SLC24A3: variants seen among roughly 807,000 people sequenced by gnomAD.
SLC24A3 encodes the protein sodium/potassium/calcium exchanger 3.
Under a neutral mutation model 75.8 loss-of-function variants are expected in SLC24A3, and 28 were observed. The ratio of observed to expected loss-of-function variants is 0.37; its 90% CI spans 0.27 to 0.51. The LOEUF is 0.51. Ranked by LOEUF, SLC24A3 falls within the 20% of genes least tolerant of loss-of-function variation. The pLI is 0.94. For missense variants in SLC24A3, 663 were observed against 847.8 expected (o/e 0.78, Z 2.71); for synonymous variants, 372 against 334.1 (o/e 1.11, Z -1.24).
chr20:19,599,930 G>A (rs142154776), intron 6 of SLC24A3, among the ~76,000 whole-genome samples: 18 of 152,254 alleles, frequency 1.2e-4, no homozygotes, highest in African/African-American at 4.1e-4. Context: ...TCTATGACCC[G>A]CGGAGTCAAA....
intron 3 of SLC24A3, among the ~76,000 whole-genome samples, chr20:19,565,782 G>A (rs188797236): frequency 3.9e-5 from 6 of 152,278 alleles, no homozygotes; most frequent in Non-Finnish European, 7.3e-5. Flanking sequence ...TGCATCTTCA[G>A]TGCCTGGAGT....
intron 2 of SLC24A3, among the ~76,000 whole-genome samples, chr20:19,420,436 G>C (rs1986898563): frequency 7.2e-6 from 1 of 138,058 alleles, no homozygotes; most frequent in Admixed American, 7.5e-5. Flanking sequence ...CTAGTTTCCA[G>C]TCCCACCAAC....
At chr20:19,644,148 C>T (rs549827378) in intron 6 of SLC24A3, among the ~76,000 whole-genome samples, 2 of 152,294 alleles carry the variant, frequency 1.3e-5, no homozygotes, top group East Asian at 3.9e-4. Flanking sequence ...CTTCAGCCCA[C>T]GCACAGAGTC....
intron 1 of SLC24A3, among the ~76,000 whole-genome samples, chr20:19,276,899 A>T (rs114953414): frequency 0.024 from 3,319 of 139,748 alleles, 136 homozygotes; most frequent in African/African-American, 0.086. Context: ...GTCTCTAATT[A>T]AAAAAAAAAA....
chr20:19,480,097 A>G (rs746647304), intron 2 of SLC24A3, among the ~76,000 whole-genome samples: 5 of 152,196 alleles, frequency 3.3e-5, no homozygotes, highest in Non-Finnish European at 5.9e-5. Flanking sequence ...GCACAAATAC[A>G]TTAGATTCAT....
At chr20:19,538,742 C>T (rs1487976372) in intron 3 of SLC24A3, among the ~76,000 whole-genome samples, 1 of 152,166 alleles carries the variant, frequency 6.6e-6, no homozygotes, top group Admixed American at 6.6e-5. Flanking sequence ...CATATGCATG[C>T]TCCCTGATCC....
intron 3 of SLC24A3, among the ~76,000 whole-genome samples, chr20:19,553,162 C>T (rs990253476): frequency 1.4e-5 from 2 of 145,352 alleles, no homozygotes; most frequent in Non-Finnish European, 3.0e-5. Flanking sequence ...TTACAGAACA[C>T]AGGGCAGCCT....
At chr20:19,543,626 C>T (rs2030539024) in intron 3 of SLC24A3, among the ~76,000 whole-genome samples, 1 of 152,102 alleles carries the variant, frequency 6.6e-6, no homozygotes, top group Admixed American at 6.5e-5. Flanking sequence ...TCCACTCCCA[C>T]CGGGTGGGAG....
chr20:19,614,975 C>A (rs1251019990), intron 6 of SLC24A3, among the ~76,000 whole-genome samples: 3 of 152,172 alleles, frequency 2.0e-5, no homozygotes, highest in Non-Finnish European at 4.4e-5. Flanking sequence ...TCATCCAAAC[C>A]ATAATCTTTT....
chr20:19,663,597 C>G (rs1889735327), intron 7 of SLC24A3, among the ~76,000 whole-genome samples: 1 of 150,764 alleles, frequency 6.6e-6, no homozygotes, highest in African/African-American at 2.4e-5. Context: ...CGGATCTCCT[C>G]CATTAGTTAG....
intron 2 of SLC24A3, among the ~76,000 whole-genome samples, chr20:19,336,396 T>C (rs1388099460): frequency 1.3e-5 from 2 of 152,150 alleles, no homozygotes; most frequent in African/African-American, 4.8e-5. Flanking sequence ...GCATTTTTTA[T>C]TTATTTATTT....
rs1488228653 is a variant in SLC24A3, at chr20:19,632,578, C to T, written c.613-21484C>T. 2.0e-5 allele frequency among the ~76,000 whole-genome samples: 3 copies of T among 152,200 alleles called. No individual in the cohort carries two copies. The South Asian group carries it at 6.2e-4, about 32-fold the overall frequency. Reference sequence around the variant, plus strand: ...CAGGCTAACCTCTCTATCCCAACATCCTTACTTACTTCTGCAAAGTCTCAC... The same window carrying T: ...CAGGCTAACCTCTCTATCCCAACATTCTTACTTACTTCTGCAAAGTCTCAC... On this transcript the variant is annotated intron_variant, in intron 6 of 16. Coordinates refer to ENST00000328041, the MANE Select transcript of SLC24A3 (RefSeq NM_020689.4).
chr20:19,326,285 G>C (rs1190298528), intron 2 of SLC24A3, among the ~76,000 whole-genome samples: 1 of 152,082 alleles, frequency 6.6e-6, no homozygotes, highest in Non-Finnish European at 1.5e-5. Flanking sequence ...ACAGTGAGGG[G>C]CCATCATCAT....
chr20:19,467,306 AAAG>A (rs1987783203), intron 2 of SLC24A3, among the ~76,000 whole-genome samples: 1 of 152,228 alleles, frequency 6.6e-6, no homozygotes, highest in Non-Finnish European at 1.5e-5. Flanking sequence ...CGCAGAAAGA[AAAG>A]AAGCAAGAAA....
chr20:19,221,363 A>G (rs1474363647), intron 1 of SLC24A3, among the ~76,000 whole-genome samples: 2 of 152,046 alleles, frequency 1.3e-5, no homozygotes, highest in Non-Finnish European at 2.9e-5. Context: ...TCATCTTCCC[A>G]TTGCCCTTCA....
At chr20:19,418,769 G>A (rs918012751) in intron 2 of SLC24A3, among the ~76,000 whole-genome samples, 1 of 152,042 alleles carries the variant, frequency 6.6e-6, no homozygotes, top group Admixed American at 6.5e-5. Flanking sequence ...TCTGGGGCAG[G>A]AAATGCACAA....
chr20:19,507,214 C>T (rs1419684360), intron 2 of SLC24A3, among the ~76,000 whole-genome samples: 1 of 152,120 alleles, frequency 6.6e-6, no homozygotes, highest in African/African-American at 2.4e-5. Flanking sequence ...TGCTAGACAC[C>T]AGGGCTACAG....
At chr20:19,578,404 G>A (rs1478808133) in intron 3 of SLC24A3, among the ~76,000 whole-genome samples, 2 of 151,960 alleles carry the variant, frequency 1.3e-5, no homozygotes, top group African/African-American at 2.4e-5. Context: ...TGTGGGAGCA[G>A]CATTCTTCTC....
intron 2 of SLC24A3, among the ~76,000 whole-genome samples, chr20:19,285,595 T>G (rs1983795906): frequency 6.7e-6 from 1 of 148,348 alleles, no homozygotes; most frequent in African/African-American, 2.5e-5. Context: ...TGAACAAGAC[T>G]GACTGACCTC....
Sources: allele counts gnomAD v4.1 joint callset (sites outside exome capture counted in the v4.1 genomes callset), GRCh38; gene constraint gnomAD v4.1.1; transcripts MANE v1.5; gene names NCBI Gene and HGNC (gene_info 2026-07-23, HGNC 2026-07-21).